Variants in CHD3 observed in about 807,000 individuals in gnomAD.
The protein encoded by CHD3 is chromodomain helicase DNA binding protein 3, also known as ATP-dependent chromatin remodeler CHD3.
In CHD3, 52 loss-of-function variants were observed where a neutral mutation model predicts 248.9. That is an observed-to-expected ratio of 0.21 (90% CI 0.17 to 0.26). The LOEUF (loss-of-function observed/expected upper bound fraction) is 0.26. CHD3 is among the 10% of genes least tolerant of loss of function. CHD3 has a pLI of 1.00. For missense variants in CHD3, 1,482 were observed against 2,605.8 expected (o/e 0.57, Z 9.39); for synonymous variants, 985 against 985.2 (o/e 1.00, Z 0.00).
chr17:7,904,260 C>T lies in CHD3; in HGVS notation c.3895-182C>T, dbSNP rs1970649637. 4.7e-6 allele frequency: 3 copies of T among 633,702 alleles called. No homozygotes were observed. The highest frequency in any genetic ancestry group is 4.0e-5 in the South Asian group (2 of 50,558). The allele number at this position is 633,702 out of a possible 1,614,324, so 39.3% of individuals were successfully genotyped here. The stretch of plus-strand genomic sequence containing the variant: ...AGAGATTTAGAAAACATGAGGAGAG[C>T]ACATTGCAGGTAAGAGATGGCATGG... On this transcript the variant is annotated intron_variant, in intron 24 of 39. Coordinates refer to ENST00000330494, the MANE Select transcript of CHD3 (RefSeq NM_001005273.3). This position sits in a 1 kb window ranked among gnomAD's most constrained non-coding sequence, Gnocchi z 4.4.
At chr17:7,898,455 T>G in intron 12 of CHD3, 41 bp from the exon 13 acceptor site, 1 of 1,438,502 alleles carries the variant, frequency 7.0e-7, no homozygotes, top group Non-Finnish European at 9.7e-7. Context: ...AGCGTAGGAC[T>G]CCCAAGGATG....
intron 2 of CHD3, 185 bp from the exon 3 acceptor site, chr17:7,890,386 G>A (rs970128810): frequency 1.2e-5 from 6 of 493,872 alleles, no homozygotes; most frequent in African/African-American, 4.0e-5. Flanking sequence ...CCGAGATCAC[G>A]TCAGTGCACT....
At position 7,899,044 on chromosome 17, in the gene CHD3, A is replaced by G. The variant is rs373796359; in HGVS notation, c.2185A>G (p.Ile729Val). The G allele has an allele frequency of 3.7e-6, 6 of 1,614,142 alleles. No individual in the cohort carries two copies. Among genetic ancestry groups the G allele is most frequent in the Non-Finnish European group, 4.2e-6 (5 of 1,180,030 alleles). Residue 729 changes from isoleucine (I) to valine (V), a missense_variant, in exon 14 of 40, where the codon ATC (isoleucine) becomes GTC (valine). Physicochemically the swap from Ile to Val is conservative, Grantham distance 29 (BLOSUM62 3). Around this residue, in one of 20 missense-constraint regions of CHD3, gnomAD observed 127 missense variants for 188.3 expected, o/e 0.67. Coordinates refer to ENST00000330494, the MANE Select transcript of CHD3 (RefSeq NM_001005273.3). This position sits in a 1 kb window ranked among gnomAD's most constrained non-coding sequence, Gnocchi z 6.8. ...GAAATATGAGACTCAGCCACGGTTTATCACAGCCACTGGAGGCACCCTGCA... is the reference window on the plus strand; with the variant it reads ...GAAATATGAGACTCAGCCACGGTTTGTCACAGCCACTGGAGGCACCCTGCA... ...TVKYETQPRF[I>V]TATGGTLHMY...
Position 7,894,167 on chromosome 17 carries a change from T to C in CHD3, c.977T>C (p.Leu326Pro). The C allele has an allele frequency of 6.2e-7, 1 of 1,614,178 alleles. No individual in the cohort carries two copies. The highest frequency in any genetic ancestry group is 8.5e-7 in the Non-Finnish European group (1 of 1,180,012). The change falls in exon 7 of 40, where the codon CTG becomes CCG. Residue 326 changes from leucine (L) to proline (P), a missense_variant. Coordinates refer to ENST00000330494, the MANE Select transcript of CHD3 (RefSeq NM_001005273.3). ...GPEPEAEESD[L>P]DSGSVHSASG... The stretch of plus-strand genomic sequence containing the variant: ...GAACCAGAGGCTGAGGAATCAGACC[T>C]GGACAGTGGCAGTGTCCACAGTGCC...
intron 20 of CHD3, among the ~76,000 whole-genome samples, 159 bp from the exon 21 acceptor site, chr17:7,902,446 TAAGAA>T (rs1481392669): frequency 4.0e-5 from 6 of 151,542 alleles, no homozygotes; most frequent in South Asian, 2.1e-4. Flanking sequence ...TAAATAAAAA[TAAGAA>T]AAGAGAGTGT....
Position 7,904,358 on chromosome 17 carries a change from C to A in CHD3, c.3895-84C>A. ...GAGTGGGGAGACCGGATTGGGCTGA[C>A]GCAGCAGAGTAGGGATTTCCTTGCA... On this transcript the variant is annotated intron_variant, in intron 24 of 39. Transcript: ENST00000330494. The surrounding 1 kb of genome is among the most constrained non-coding windows in gnomAD (Gnocchi z 4.4). 1 of 1,332,708 alleles carries A rather than the reference C, an allele frequency of 7.5e-7. No individual in the cohort carries two copies. The highest frequency in any genetic ancestry group is 1.1e-6 in the Non-Finnish European group (1 of 950,454). The allele number at this position is 1,332,708 out of a possible 1,614,324, so 82.6% of individuals were successfully genotyped here.
In CHD3 at chr17:7,909,487, C is replaced by T. The variant is rs1971389233; in HGVS notation, c.5590+149C>T. ...TCTAACCCCACTCCTACCGACCTGG[C>T]ACCCCCTTGGATTTTAGCCTCTAGG... On this transcript the variant is annotated intron_variant, in intron 37 of 39. Transcript: ENST00000330494. The surrounding 1 kb of genome is among the most constrained non-coding windows in gnomAD (Gnocchi z 8.1). 1.7e-6 allele frequency: 2 copies of T among 1,183,870 alleles called. No individual in the cohort carries two copies. Among genetic ancestry groups the T allele is most frequent in the Non-Finnish European group, 2.3e-6 (2 of 874,924 alleles). 73.3% of individuals were successfully genotyped at this position (1,183,870 alleles called of 1,614,324 possible).
Position 7,910,379 on chromosome 17 carries a change from A to G in CHD3, c.5591-49A>G, listed in dbSNP as rs779378178. The G allele has an allele frequency of 1.1e-4, 184 of 1,610,126 alleles. No individual in the cohort carries two copies. Among genetic ancestry groups the G allele is most frequent in the Non-Finnish European group, 1.5e-4 (178 of 1,178,116 alleles). On this transcript the variant is annotated intron_variant, in intron 37 of 39. Coordinates refer to ENST00000330494, the MANE Select transcript of CHD3 (RefSeq NM_001005273.3). This position sits in a 1 kb window ranked among gnomAD's most constrained non-coding sequence, Gnocchi z 4.7. ...TCTCTTTTCCTGGCTCCATCTCTGT[A>G]TTTCCCTGTCTTTCTCTTGCCCTTC...
At position 7,907,864 on chromosome 17, in the gene CHD3, G is replaced by T. The variant is rs1971187494; in HGVS notation, c.5027-30G>T. On this transcript the variant is annotated intron_variant, in intron 33 of 39. Coordinates refer to ENST00000330494, the MANE Select transcript of CHD3 (RefSeq NM_001005273.3). This position sits in a 1 kb window ranked among gnomAD's most constrained non-coding sequence, Gnocchi z 4.3. ...GGACCTGGGAGGAGGGTGTCCTGAGGTGTGAGCTTTGACCTGTCTGTCCTA... is the reference window on the plus strand; with the variant it reads ...GGACCTGGGAGGAGGGTGTCCTGAGTTGTGAGCTTTGACCTGTCTGTCCTA... 5 of 1,601,378 alleles carry T rather than the reference G, an allele frequency of 3.1e-6. No individual in the cohort carries two copies. Among genetic ancestry groups the T allele is most frequent in the African/African-American group, 1.3e-5 (1 of 74,520 alleles).
At position 7,889,679 on chromosome 17, in the gene CHD3, GGCT is replaced by G; in HGVS notation, c.122_124del (p.Leu41del). 1 of 1,612,698 alleles carries G rather than the reference GGCT, an allele frequency of 6.2e-7. No individual in the cohort carries two copies. The highest frequency in any genetic ancestry group is 1.1e-5 in the South Asian group (1 of 90,846). On this transcript the variant is annotated inframe_deletion, in exon 2 of 40. Transcript: ENST00000330494. The surrounding 1 kb of genome is among the most constrained non-coding windows in gnomAD (Gnocchi z 4.5). ...TGCTTCAAAGATAAGGATGACATTC[GGCT>G]GCTGCCGTCAGCATTGGGTGTGAAG...
chr17:7,910,712 C>T lies in CHD3; in HGVS notation c.5754+121C>T, dbSNP rs994202781. 34 of 1,501,836 alleles carry T rather than the reference C, an allele frequency of 2.3e-5. No individual in the cohort carries two copies. The African/African-American group carries it at 4.6e-4, about 20-fold the overall frequency. The allele number at this position is 1,501,836 out of a possible 1,614,324, so 93.0% of individuals were successfully genotyped here. A position where few individuals can be genotyped will look rare whatever the true frequency, so the allele number is the denominator to read the frequency against. ...ACAACTTGCTAGAACACAGTCATCACCCTTGAGTGAGTCTCCCTGCCTGTG... is the reference window on the plus strand; with the variant it reads ...ACAACTTGCTAGAACACAGTCATCATCCTTGAGTGAGTCTCCCTGCCTGTG... On this transcript the variant is annotated intron_variant, in intron 38 of 39. Coordinates refer to ENST00000330494, the MANE Select transcript of CHD3 (RefSeq NM_001005273.3). The surrounding 1 kb of genome is among the most constrained non-coding windows in gnomAD (Gnocchi z 4.7).
rs1464321114 is a variant in CHD3, at chr17:7,904,698, G to C, written c.4072+79G>C. 5.3e-6 allele frequency: 7 copies of C among 1,320,628 alleles called. No individual in the cohort carries two copies. Among genetic ancestry groups the C allele is most frequent in the Non-Finnish European group, 7.3e-6 (7 of 956,902 alleles). The allele number at this position is 1,320,628 out of a possible 1,614,324, so 81.8% of individuals were successfully genotyped here. A position where few individuals can be genotyped will look rare whatever the true frequency, so the allele number is the denominator to read the frequency against. Reference sequence around the variant, plus strand: ...GACTTGAAGGCTGGAGCTATTTAGAGGGAAAGAGAGAAGCCTAGAAGTCAG... The same window carrying C: ...GACTTGAAGGCTGGAGCTATTTAGACGGAAAGAGAGAAGCCTAGAAGTCAG... On this transcript the variant is annotated intron_variant, in intron 25 of 39. Transcript: ENST00000330494. The surrounding 1 kb of genome is among the most constrained non-coding windows in gnomAD (Gnocchi z 4.4).
Position 7,908,357 on chromosome 17 carries a change from T to C in CHD3, c.5153-45T>C. On this transcript the variant is annotated intron_variant, in intron 34 of 39. Coordinates refer to ENST00000330494, the MANE Select transcript of CHD3 (RefSeq NM_001005273.3). This position sits in a 1 kb window ranked among gnomAD's most constrained non-coding sequence, Gnocchi z 5.8. ...TACCTGTCTGTTGGACTGAGTGCAGTCTGCAAAACCCTGTTACCTCTTCTG... is the reference window on the plus strand; with the variant it reads ...TACCTGTCTGTTGGACTGAGTGCAGCCTGCAAAACCCTGTTACCTCTTCTG... 3 of 1,489,438 alleles carry C rather than the reference T, an allele frequency of 2.0e-6. No individual in the cohort carries two copies. Among genetic ancestry groups the C allele is most frequent in the Non-Finnish European group, 2.8e-6 (3 of 1,077,396 alleles). 92.3% of individuals were successfully genotyped at this position (1,489,438 alleles called of 1,614,324 possible). A position where few individuals can be genotyped will look rare whatever the true frequency, so the allele number is the denominator to read the frequency against.
Position 7,897,168 on chromosome 17 carries a change from G to T in CHD3, c.1793G>T (p.Gly598Val). Reference protein sequence around the residue: ...DEPPPLDYGSGEDDGKSDKRK... With the variant: ...DEPPPLDYGSVEDDGKSDKRK... ...CCCCCACCCCTGGACTATGGCTCCG[G>T]CGAGGATGATGGGAAGAGCGACAAG... Residue 598 changes from glycine to valine, a missense_variant, in exon 11 of 40, where the codon GGC becomes GTC. Gly to Val is a moderately radical substitution (Grantham distance 109). Coordinates refer to ENST00000330494, the MANE Select transcript of CHD3 (RefSeq NM_001005273.3). The surrounding 1 kb of genome is among the most constrained non-coding windows in gnomAD (Gnocchi z 4.8). 1 of 1,614,162 alleles carries T rather than the reference G, an allele frequency of 6.2e-7. No individual in the cohort carries two copies. The highest frequency in any genetic ancestry group is 8.5e-7 in the Non-Finnish European group (1 of 1,180,016).
In CHD3 at chr17:7,907,777, T is replaced by G. The variant is rs1971173604; in HGVS notation, c.5026+75T>G. 9 of 1,506,188 alleles carry G rather than the reference T, an allele frequency of 6.0e-6. No homozygotes were observed. The highest frequency in any genetic ancestry group is 2.6e-5 in the Admixed American group (1 of 37,824). The allele number at this position is 1,506,188 out of a possible 1,614,324, so 93.3% of individuals were successfully genotyped here. ...AGGTGGAGTCTGGGGAACCGAATGC[T>G]TGGGTCCTGGGCGGGTAGCTGTTTG... On this transcript the variant is annotated intron_variant, in intron 33 of 39. Coordinates refer to ENST00000330494, the MANE Select transcript of CHD3 (RefSeq NM_001005273.3). This position sits in a 1 kb window ranked among gnomAD's most constrained non-coding sequence, Gnocchi z 4.3.
upstream of CHD3, among the ~76,000 whole-genome samples, chr17:7,887,803 T>C (rs1968202640): frequency 6.6e-6 from 1 of 151,942 alleles, no homozygotes; most frequent in South Asian, 2.1e-4. Flanking sequence ...TGTGGGAGAG[T>C]CTGGGCTCCA....
At position 7,889,967 on chromosome 17, in the gene CHD3, C is replaced by G. The variant is rs924690563; in HGVS notation, c.213+191C>G. On this transcript the variant is annotated intron_variant, in intron 2 of 39. Transcript: ENST00000330494. This position sits in a 1 kb window ranked among gnomAD's most constrained non-coding sequence, Gnocchi z 4.5. ...AGGGATCTGGGACCCTAACTTCATT[C>G]ACTGCAACCTAGTGAAGAGCCTCGT... is the stretch of plus-strand genomic sequence containing the variant. Among the ~76,000 whole-genome samples, 2 of 152,220 alleles carry G rather than the reference C, an allele frequency of 1.3e-5. No individual in the cohort carries two copies. The highest frequency in any genetic ancestry group is 2.9e-5 in the Non-Finnish European group (2 of 68,040).
At chr17:7,893,694 G>T (rs1431197204) in intron 5 of CHD3, 111 bp from the exon 6 acceptor site, 2 of 1,533,310 alleles carry the variant, frequency 1.3e-6, no homozygotes, top group Non-Finnish European at 1.7e-6. Context: ...AGGAAGTGGG[G>T]CTTAGTGAAA....
In CHD3 at chr17:7,890,709, C is replaced by T. The variant is rs755261950; in HGVS notation, c.352C>T (p.Arg118Trp). The T allele has an allele frequency of 1.8e-5, 27 of 1,518,166 alleles. No individual in the cohort carries two copies. Among genetic ancestry groups the T allele is most frequent in the Non-Finnish European group, 2.2e-5 (25 of 1,138,842 alleles). 94.0% of individuals were successfully genotyped at this position (1,518,166 alleles called of 1,614,324 possible). A position where few individuals can be genotyped will look rare whatever the true frequency, so the allele number is the denominator to read the frequency against. Reference sequence around the variant, plus strand: ...AAAAAAGGAGAAGAAGACAAAGCGGCGGAAAAAGGGGGAGGGAGATGGGGG... The same window carrying T: ...AAAAAAGGAGAAGAAGACAAAGCGGTGGAAAAAGGGGGAGGGAGATGGGGG... ...REKKEKKTKR[R>W]KKGEGDGGQK... The change falls in exon 3 of 40, where the codon CGG (arginine) becomes TGG (tryptophan). Residue 118 changes from arginine to tryptophan, a missense_variant. Transcript: ENST00000330494.
Sources: gnomAD v4.1 joint callset for allele counts (sites outside exome capture counted in the v4.1 genomes callset) on GRCh38, gnomAD v4.1.1 for gene constraint, gnomAD v4.1.1 regional missense constraint, Gnocchi (gnomAD v3.1) non-coding constraint, MANE v1.5 for transcripts, NCBI Gene and HGNC (gene_info 2026-07-23, HGNC 2026-07-21) for gene names.